The following UHRF1 variants were observed in gnomAD, a reference collection of about 807,000 sequenced individuals.
UHRF1 encodes E3 ubiquitin-protein ligase UHRF1.
Under a neutral mutation model 96.5 loss-of-function variants are expected in UHRF1, and 9 were observed. That is an observed-to-expected ratio of 0.09 (90% CI 0.06 to 0.16). UHRF1 has a LOEUF of 0.16. Among genes scored for constraint, UHRF1 ranks in the 10% least tolerant of loss-of-function variants. The pLI, the probability that UHRF1 is intolerant of heterozygous loss-of-function variation, is 1.00. For missense variants in UHRF1, 626 were observed against 1,131.1 expected, an observed-to-expected ratio of 0.55 and a Z score of 6.40; for synonymous variants, 455 against 469.9, an observed-to-expected ratio of 0.97 and a Z score of 0.41.
At chr19:4,949,638 G>A (rs1394273897) in intron 11 of UHRF1, among the ~76,000 whole-genome samples, 1 of 152,068 alleles carries the variant, frequency 6.6e-6, no homozygotes, top group African/African-American at 2.4e-5. Flanking sequence ...AGACCTACTT[G>A]TGCAACATAA....
chr19:4,951,433 C>CTT (rs2145204328), intron 13 of UHRF1, among the ~76,000 whole-genome samples: 1 of 152,246 alleles, frequency 6.6e-6, no homozygotes, highest in Admixed American at 6.5e-5. Context: ...CTCCAGGAGG[C>CTT]CTCCCGTCTC....
intron 4 of UHRF1, among the ~76,000 whole-genome samples, chr19:4,931,293 G>GCCA (rs2146332823): frequency 1.3e-5 from 2 of 152,234 alleles, no homozygotes; most frequent in East Asian, 3.9e-4. Flanking sequence ...TGTCCGTGCT[G>GCCA]CCATCGTGAG....
At chr19:4,935,248 G>A (rs1036859646) in intron 5 of UHRF1, among the ~76,000 whole-genome samples, 2 of 152,046 alleles carry the variant, frequency 1.3e-5, no homozygotes, top group Admixed American at 6.6e-5. Flanking sequence ...GATTACAGGC[G>A]TGAGCCACCG....
At chr19:4,939,123 G>T (rs1194318235) in intron 5 of UHRF1, among the ~76,000 whole-genome samples, 3 of 150,638 alleles carry the variant, frequency 2.0e-5, no homozygotes, top group Non-Finnish European at 4.4e-5. Flanking sequence ...TCACCATGTT[G>T]GCCAGGCTGG....
upstream of UHRF1, among the ~76,000 whole-genome samples, chr19:4,907,815 C>T (rs569696237): frequency 6.3e-5 from 9 of 143,984 alleles, no homozygotes; most frequent in East Asian, 1.3e-3. Context: ...TGGGTTCAAG[C>T]GATTCTCCTG....
rs1310601725 is a variant in UHRF1, at chr19:4,930,609, G to A, written c.409-107G>A. 8 of 1,372,506 alleles carry A rather than the reference G, an allele frequency of 5.8e-6. No homozygotes were observed. The highest frequency in any genetic ancestry group is 7.0e-6 in the Non-Finnish European group (7 of 1,004,556). The allele number at this position is 1,372,506 out of a possible 1,614,324, so 85.0% of individuals were successfully genotyped here. A position where few individuals can be genotyped will look rare whatever the true frequency, so the allele number is the denominator to read the frequency against. On this transcript the variant is annotated intron_variant, in intron 3 of 16. Transcript: ENST00000650932. The surrounding 1 kb of genome is among the most constrained non-coding windows in gnomAD (Gnocchi z 4.4). Reference sequence around the variant, plus strand: ...AGGAGAAACCTCGCTGTGGGCATTCGAGTTTGCGCCCTGGTTCCAGAGCAT... The same window carrying A: ...AGGAGAAACCTCGCTGTGGGCATTCAAGTTTGCGCCCTGGTTCCAGAGCAT...
At chr19:4,911,914 C>T (rs895899314) in intron 2 of UHRF1, among the ~76,000 whole-genome samples, 6 of 152,132 alleles carry the variant, frequency 3.9e-5, no homozygotes, top group Non-Finnish European at 5.9e-5. Flanking sequence ...AGTTGAGCTG[C>T]GTGTACCCCA....
At chr19:4,909,910 C>T (rs557019001) in intron 1 of UHRF1, among the ~76,000 whole-genome samples, 54 of 151,402 alleles carry the variant, frequency 3.6e-4, no homozygotes, top group Admixed American at 1.6e-3. Context: ...GCCTGGCGAG[C>T]CGCCGGGGAG....
rs2033005771 is a variant in UHRF1 at position 4,930,239 on chromosome 19, T to C, written c.409-477T>C. ...ATCTTCCCGCCGCAGCCTCCCAAAG[T>C]GCTGGAATTATAGGTGTGAGCCACT... On this transcript the variant is annotated intron_variant, in intron 3 of 16. Transcript: ENST00000650932. This position sits in a 1 kb window ranked among gnomAD's most constrained non-coding sequence, Gnocchi z 4.4. 6.6e-6 allele frequency among the ~76,000 whole-genome samples: 1 copy of C among 152,184 alleles called. No homozygotes were observed. The highest frequency in any genetic ancestry group is 1.5e-5 in the Non-Finnish European group (1 of 68,030).
In UHRF1 at chr19:4,930,138, C is replaced by G. The variant is rs1001070682; in HGVS notation, c.409-578C>G. Among the ~76,000 whole-genome samples, 2 of 152,158 alleles carry G rather than the reference C, an allele frequency of 1.3e-5. No individual in the cohort carries two copies. The highest frequency in any genetic ancestry group is 1.3e-4 in the Admixed American group (2 of 15,260). On this transcript the variant is annotated intron_variant, in intron 3 of 16. Transcript: ENST00000650932. The surrounding 1 kb of genome is among the most constrained non-coding windows in gnomAD (Gnocchi z 4.4). ...TACAGGCATGTGCCACCACACCTGG[C>G]TAATTTTTGTATTTTTTGTAGAGAC...
At chr19:4,925,577 A>G (rs2032841720) in intron 2 of UHRF1, among the ~76,000 whole-genome samples, 1 of 152,170 alleles carries the variant, frequency 6.6e-6, no homozygotes, top group Non-Finnish European at 1.5e-5. Context: ...GCTGGAGTGC[A>G]ATGGCACAAT....
In UHRF1 at chr19:4,954,284, A is replaced by G. The variant is rs1599300155; in HGVS notation, c.1819-66A>G. 1 of 1,573,718 alleles carries G rather than the reference A, an allele frequency of 6.4e-7. No homozygotes were observed. Among genetic ancestry groups the G allele is most frequent in the African/African-American group, 1.3e-5 (1 of 74,220 alleles). On this transcript the variant is annotated intron_variant, in intron 13 of 16. Coordinates refer to ENST00000650932, the MANE Select transcript of UHRF1 (RefSeq NM_001048201.3). This position sits in a 1 kb window ranked among gnomAD's most constrained non-coding sequence, Gnocchi z 5.9. Reference sequence around the variant, plus strand: ...ACCCAGACCTGGCAAGGAGGCTGGAAGAGCGGGCTCTGCATAGCGTGTGGG... The same window carrying G: ...ACCCAGACCTGGCAAGGAGGCTGGAGGAGCGGGCTCTGCATAGCGTGTGGG...
chr19:4,908,317 A>T (rs1433568878), upstream of UHRF1, among the ~76,000 whole-genome samples: 2 of 152,180 alleles, frequency 1.3e-5, no homozygotes, highest in African/African-American at 4.8e-5. Context: ...CCCACTGACC[A>T]GATAGAGGAG....
At chr19:4,944,276 G>C (rs368878383) in intron 8 of UHRF1, 21 bp downstream of exon 8, 1 of 1,613,782 alleles carries the variant, frequency 6.2e-7, no homozygotes, top group Admixed American at 1.7e-5. Context: ...TCCTTCCCAC[G>C]TGCCCGTGGC....
intron 5 of UHRF1, among the ~76,000 whole-genome samples, chr19:4,933,566 A>G (rs1309725971): frequency 1.3e-5 from 2 of 152,150 alleles, no homozygotes; most frequent in Admixed American, 6.6e-5. Context: ...AATAGGTCCC[A>G]TTCACAGGGT....
At chr19:4,933,048 T>G in intron 5 of UHRF1, 92 bp downstream of exon 5, 1 of 1,378,944 alleles carries the variant, frequency 7.3e-7, no homozygotes, top group African/African-American at 1.4e-5. Context: ...CAGCCAGCGC[T>G]GTGTGTGCGA....
In UHRF1 at chr19:4,932,788, C is replaced by T. The variant is rs537632073; in HGVS notation, c.617C>T (p.Ala206Val). 2.7e-5 allele frequency: 44 copies of T among 1,613,880 alleles called. No homozygotes were observed. The highest frequency in any genetic ancestry group is 4.5e-5 in the East Asian group (2 of 44,884). The change falls in exon 5 of 17, where the codon GCG (alanine) becomes GTG (valine). Residue 206 changes from alanine (A) to valine (V), a missense_variant. Ala to Val is a moderately conservative substitution (Grantham distance 64, BLOSUM62 0). Around this residue, in one of 11 missense-constraint regions of UHRF1, gnomAD observed 198 missense variants for 235.1 expected, o/e 0.84. Transcript: ENST00000650932. ...CAGATGAACTCCAGGGACGTCCGAG[C>T]GCGCGCCCGCACCATCATCAAGTGG... ...VVQMNSRDVR[A>V]RARTIIKWQD...
Position 4,954,842 on chromosome 19 carries a change from T to C in UHRF1, c.2130+20T>C. 1 of 1,609,388 alleles carries C rather than the reference T, an allele frequency of 6.2e-7. No homozygotes were observed. Among genetic ancestry groups the C allele is most frequent in the Non-Finnish European group, 8.5e-7 (1 of 1,178,060 alleles). ...AGCCCGGTAGGCTCGCACGGCTCAC[T>C]CGTCGCCCTGATTTGCGTTGACTGC... On this transcript the variant is annotated intron_variant, in intron 15 of 16. Coordinates refer to ENST00000650932, the MANE Select transcript of UHRF1 (RefSeq NM_001048201.3). This position sits in a 1 kb window ranked among gnomAD's most constrained non-coding sequence, Gnocchi z 5.9.
intron 13 of UHRF1, among the ~76,000 whole-genome samples, chr19:4,952,249 C>A (rs963857974): frequency 6.6e-6 from 1 of 151,790 alleles, no homozygotes; most frequent in African/African-American, 2.4e-5. Context: ...CCCACCACCA[C>A]GCCTGGCTCA....
Sources: allele counts gnomAD v4.1 joint callset (sites outside exome capture counted in the v4.1 genomes callset), GRCh38; gene constraint gnomAD v4.1.1; regional missense constraint gnomAD v4.1.1; non-coding constraint Gnocchi (gnomAD v3.1); transcripts MANE v1.5; gene names NCBI Gene and HGNC (gene_info 2026-07-23, HGNC 2026-07-21).